The following FKBP9 variants were observed in gnomAD, a reference collection of about 807,000 sequenced individuals.
FKBP9 encodes the protein FKBP prolyl isomerase 9, also known as peptidyl-prolyl cis-trans isomerase FKBP9.
In FKBP9, 27 loss-of-function variants were observed where a neutral mutation model predicts 55.6. The ratio of observed to expected loss-of-function variants is 0.49; its 90% CI spans 0.36 to 0.67. The LOEUF (loss-of-function observed/expected upper bound fraction) is 0.67. Ranked by LOEUF, FKBP9 falls within the 30% of genes least tolerant of loss-of-function variation. The pLI, the probability that FKBP9 is intolerant of heterozygous loss-of-function variation, is 0.00. For missense variants in FKBP9, 539 were observed against 742.8 expected (o/e 0.73, Z 3.19); for synonymous variants, 267 against 296.5 (o/e 0.90, Z 1.02).
chr7:32,975,509 A>G, intron 3 of FKBP9, 138 bp downstream of exon 3: 2 of 681,006 alleles, frequency 2.9e-6, no homozygotes, highest in Non-Finnish European at 4.9e-6. Context: ...GAACTCATCT[A>G]CTTAAGACTT....
In FKBP9 at chr7:32,991,550, GT is replaced by G. The variant is rs1303489890; in HGVS notation, c.1039+2901del. On this transcript the variant is annotated intron_variant, in intron 6 of 9. Transcript: ENST00000242209. ...CCACAGGGCCAGGCACATTGTGAAT[GT>G]TTGGCAAATATTTGTGGAAGGAATG... 2.0e-5 allele frequency among the ~76,000 whole-genome samples: 3 copies of G among 152,106 alleles called. No homozygotes were observed. The East Asian group carries it at 5.8e-4, about 29-fold the overall frequency.
Position 32,990,897 on chromosome 7 carries a change from T to C in FKBP9, c.1039+2245T>C, listed in dbSNP as rs559711656. 2.0e-5 allele frequency among the ~76,000 whole-genome samples: 3 copies of C among 150,656 alleles called. No individual in the cohort carries two copies. The East Asian group carries it at 5.8e-4, about 29-fold the overall frequency. On this transcript the variant is annotated intron_variant, in intron 6 of 9. Coordinates refer to ENST00000242209, the MANE Select transcript of FKBP9 (RefSeq NM_007270.5). Reference sequence around the variant, plus strand: ...GAGGATCCAAGAAACGTCAAGTTGGTTGGAAGGTAGGTTGTACAATGGAGA... The same window carrying C: ...GAGGATCCAAGAAACGTCAAGTTGGCTGGAAGGTAGGTTGTACAATGGAGA...
At chr7:32,964,680 T>C (rs1192664319) in intron 1 of FKBP9, among the ~76,000 whole-genome samples, 1 of 152,264 alleles carries the variant, frequency 6.6e-6, no homozygotes, top group African/African-American at 2.4e-5. Flanking sequence ...CATTAACTGC[T>C]TTTCTTTTCT....
chr7:32,957,863 C>G, intron 1 of FKBP9, 69 bp downstream of exon 1: 2 of 1,201,676 alleles, frequency 1.7e-6, no homozygotes, highest in Non-Finnish European at 2.2e-6. Flanking sequence ...AGGCCTTTCC[C>G]TCCTGCCGGA....
intron 7 of FKBP9, 108 bp from the exon 8 acceptor site, chr7:33,000,007 G>T (rs1474374861): frequency 2.7e-5 from 35 of 1,288,834 alleles, no homozygotes; most frequent in Non-Finnish European, 3.8e-5. Context: ...ATAGGGATTT[G>T]CATTTCTTTG....
chr7:32,967,955 G>A (rs1452143083), intron 1 of FKBP9, among the ~76,000 whole-genome samples: 6 of 152,080 alleles, frequency 3.9e-5, no homozygotes, highest in South Asian at 2.1e-4. Context: ...GGGTTTCTCC[G>A]TGTTGGTCAG....
In FKBP9 at chr7:32,957,484, G is replaced by T. The variant is rs1783921948; in HGVS notation, c.-90G>T. ...AGCCCGGGTAGGGCCAGGAGACCCGGTCCACGTTTGCAAACGCAGCCGAAC... is the reference window on the plus strand; with the variant it reads ...AGCCCGGGTAGGGCCAGGAGACCCGTTCCACGTTTGCAAACGCAGCCGAAC... On this transcript the variant is annotated 5_prime_UTR_variant, in exon 1 of 10. Coordinates refer to ENST00000242209, the MANE Select transcript of FKBP9 (RefSeq NM_007270.5). 2.9e-6 allele frequency: 3 copies of T among 1,018,208 alleles called. No homozygotes were observed. The highest frequency in any genetic ancestry group is 3.9e-6 in the Non-Finnish European group (3 of 763,094). The allele number at this position is 1,018,208 out of a possible 1,614,324, so 63.1% of individuals were successfully genotyped here.
At chr7:32,973,967 C>T (rs1371486145) in intron 1 of FKBP9, among the ~76,000 whole-genome samples, 1 of 151,664 alleles carries the variant, frequency 6.6e-6, no homozygotes, top group Non-Finnish European at 1.5e-5. Flanking sequence ...GTTGGGATTA[C>T]AGGCGTGAGC....
intron 6 of FKBP9, chr7:32,988,878 A>G (rs1278405196): frequency 4.3e-6 from 2 of 461,792 alleles, no homozygotes; most frequent in Non-Finnish European, 7.9e-6. Context: ...ACAGGCACGC[A>G]CCACCACACC....
At chr7:33,004,594 A>G (rs1040409611) in intron 9 of FKBP9, among the ~76,000 whole-genome samples, 1 of 152,130 alleles carries the variant, frequency 6.6e-6, no homozygotes, top group African/African-American at 2.4e-5. Context: ...CACTGAATTC[A>G]ACACTTCATC....
chr7:32,974,106 C>A (rs977824949), intron 1 of FKBP9, among the ~76,000 whole-genome samples: 1 of 151,548 alleles, frequency 6.6e-6, no homozygotes, highest in East Asian at 1.9e-4. Flanking sequence ...TGGGCTCAAG[C>A]GATCCTCCTA....
At chr7:32,961,915 T>G (rs2127975645) in intron 1 of FKBP9, among the ~76,000 whole-genome samples, 1 of 152,086 alleles carries the variant, frequency 6.6e-6, no homozygotes, top group South Asian at 2.1e-4. Context: ...GATTCTACAT[T>G]ATGGTGAGTT....
chr7:32,985,592 A>T (rs1784560916), intron 5 of FKBP9, among the ~76,000 whole-genome samples: 1 of 152,226 alleles, frequency 6.6e-6, no homozygotes, highest in African/African-American at 2.4e-5. Context: ...CTGCACCTTA[A>T]AAACAGCATT....
chr7:32,986,259 A>G (rs1244976075), intron 5 of FKBP9, among the ~76,000 whole-genome samples: 1 of 152,104 alleles, frequency 6.6e-6, no homozygotes, highest in Non-Finnish European at 1.5e-5. Flanking sequence ...CCCCTCTGCC[A>G]TGGAATCTTT....
At position 32,969,348 on chromosome 7, in the gene FKBP9, A is replaced by G. The variant is rs1018116477; in HGVS notation, c.222-5269A>G. On this transcript the variant is annotated intron_variant, in intron 1 of 9. Transcript: ENST00000242209. ...TCCCTTGTGTTTTTTTCCTAGTTTTATAGTTTTGGATCTTATATTTATGCA... is the reference window on the plus strand; with the variant it reads ...TCCCTTGTGTTTTTTTCCTAGTTTTGTAGTTTTGGATCTTATATTTATGCA... Among the ~76,000 whole-genome samples, 52 of 151,372 alleles carry G rather than the reference A, an allele frequency of 3.4e-4. 1 individual carries two copies. Among genetic ancestry groups the G allele is most frequent in the African/African-American group, 1.1e-3 (47 of 41,166 alleles).
chr7:33,006,407 C>T lies in FKBP9; in HGVS notation c.*1056C>T, dbSNP rs1139717. On this transcript the variant is annotated 3_prime_UTR_variant, in exon 10 of 10. Transcript: ENST00000242209. Reference sequence around the variant, plus strand: ...GGGATTACAGGCGTGACTCACCATGCCCAGCCACTTAGTTTTTTCTTATTC... The same window carrying T: ...GGGATTACAGGCGTGACTCACCATGTCCAGCCACTTAGTTTTTTCTTATTC... 127 of 203,934 alleles carry T rather than the reference C, an allele frequency of 6.2e-4. No homozygotes were observed. The highest frequency in any genetic ancestry group is 8.7e-4 in the Non-Finnish European group (87 of 99,454). 12.6% of individuals were successfully genotyped at this position (203,934 alleles called of 1,614,324 possible). A position where few individuals can be genotyped will look rare whatever the true frequency, so the allele number is the denominator to read the frequency against.
intron 4 of FKBP9, 76 bp from the exon 5 acceptor site, chr7:32,980,288 C>T: frequency 7.5e-7 from 1 of 1,340,898 alleles, no homozygotes; most frequent in Non-Finnish European, 1.0e-6. Flanking sequence ...ATAACACCAA[C>T]CCCAAGCCTG....
At chr7:32,979,557 T>C (rs1784431282) in intron 4 of FKBP9, 2 of 1,550,376 alleles carry the variant, frequency 1.3e-6, no homozygotes, top group Non-Finnish European at 1.7e-6. Context: ...CTGGGCCTAC[T>C]CCTTTGCATG....
At chr7:32,963,980 G>A (rs932983056) in intron 1 of FKBP9, among the ~76,000 whole-genome samples, 6 of 152,268 alleles carry the variant, frequency 3.9e-5, no homozygotes, top group African/African-American at 1.4e-4. Flanking sequence ...GGAAGAGCCA[G>A]TAGGCTGGAC....
Sources: gnomAD v4.1 joint callset for allele counts (sites outside exome capture counted in the v4.1 genomes callset) on GRCh38, gnomAD v4.1.1 for gene constraint, MANE v1.5 for transcripts, NCBI Gene and HGNC (gene_info 2026-07-23, HGNC 2026-07-21) for gene names.